The following LTBP1 variants were observed in gnomAD, a reference collection of about 807,000 sequenced individuals.
LTBP1 encodes latent-transforming growth factor beta-binding protein 1.
LTBP1 carries 129 observed loss-of-function variants against 207.6 expected under a neutral mutation model. The observed-to-expected ratio is 0.62, with a 90% confidence interval of 0.54 to 0.72. The LOEUF (loss-of-function observed/expected upper bound fraction) is 0.72. Among genes scored for constraint, LTBP1 ranks in the 30% least tolerant of loss-of-function variants. The pLI, the probability that LTBP1 is intolerant of heterozygous loss-of-function variation, is 0.00. For synonymous variants in LTBP1, 963 were observed against 833.7 expected (o/e 1.16, Z -2.67); for missense variants, 2,281 against 2,217.2 (o/e 1.03, Z -0.58).
intron 3 of LTBP1, among the ~76,000 whole-genome samples, chr2:33,033,133 G>A (rs1336484767): frequency 6.6e-6 from 1 of 152,084 alleles, no homozygotes; most frequent in Non-Finnish European, 1.5e-5. Flanking sequence ...GCCAGGCAGT[G>A]TGCTAGCAGC....
chr2:32,950,793 A>C (rs1346449958), intron 2 of LTBP1, among the ~76,000 whole-genome samples: 1 of 152,212 alleles, frequency 6.6e-6, no homozygotes, highest in African/African-American at 2.4e-5. Flanking sequence ...GAATGCTCAA[A>C]GGCTTTAATA....
intron 2 of LTBP1, among the ~76,000 whole-genome samples, chr2:32,964,018 A>G (rs1233593815): frequency 6.6e-6 from 1 of 152,228 alleles, no homozygotes; most frequent in Non-Finnish European, 1.5e-5. Flanking sequence ...TTGAAAGTGA[A>G]ATGAAGAACA....
At chr2:33,279,853 G>A (rs2093522016) in intron 18 of LTBP1, among the ~76,000 whole-genome samples, 186 bp from the exon 19 acceptor site, 1 of 152,126 alleles carries the variant, frequency 6.6e-6, no homozygotes, top group Non-Finnish European at 1.5e-5. Flanking sequence ...TTTTAATCCA[G>A]GTATGCTTGA....
chr2:33,112,209 T>C (rs1009403390), intron 4 of LTBP1, among the ~76,000 whole-genome samples: 2 of 152,218 alleles, frequency 1.3e-5, no homozygotes, highest in African/African-American at 4.8e-5. Context: ...AACACTGGTA[T>C]TAAGACTAGA....
At chr2:33,315,796 G>A (rs1297941889) in intron 24 of LTBP1, among the ~76,000 whole-genome samples, 1 of 152,150 alleles carries the variant, frequency 6.6e-6, no homozygotes. Context: ...AATTAGCCAG[G>A]TGTGGTGGTG....
At chr2:33,040,476 T>A (rs1025493795) in intron 3 of LTBP1, among the ~76,000 whole-genome samples, 1 of 151,962 alleles carries the variant, frequency 6.6e-6, no homozygotes, top group African/African-American at 2.4e-5. Context: ...GATCTGGGAG[T>A]TCCAAGAAGA....
At chr2:33,281,766 A>G (rs893582614) in intron 19 of LTBP1, among the ~76,000 whole-genome samples, 1 of 152,136 alleles carries the variant, frequency 6.6e-6, no homozygotes, top group African/African-American at 2.4e-5. Flanking sequence ...TTTGATAAGC[A>G]ATTGTTTTTG....
intron 5 of LTBP1, among the ~76,000 whole-genome samples, chr2:33,145,518 A>AGCAT (rs2082955897): frequency 6.6e-6 from 1 of 152,226 alleles, no homozygotes; most frequent in South Asian, 2.1e-4. Flanking sequence ...AGTATCCTAG[A>AGCAT]GCATTCTTAG....
intron 25 of LTBP1, among the ~76,000 whole-genome samples, chr2:33,344,451 G>A (rs1053056734): frequency 5.3e-5 from 8 of 152,262 alleles, no homozygotes; most frequent in Admixed American, 2.6e-4. Flanking sequence ...GACTGGTTGT[G>A]GTTGCCCATG....
chr2:32,956,494 G>T (rs1018330584), intron 2 of LTBP1, among the ~76,000 whole-genome samples: 7 of 152,074 alleles, frequency 4.6e-5, no homozygotes, highest in African/African-American at 1.2e-4. Context: ...CTTCAAGTTC[G>T]AACATGAGAT....
chr2:33,100,508 T>C (rs142484834), intron 3 of LTBP1, among the ~76,000 whole-genome samples: 32 of 152,174 alleles, frequency 2.1e-4, no homozygotes, highest in African/African-American at 7.2e-4. Flanking sequence ...AGGGTATAAT[T>C]GCCTTTTTTA....
At chr2:33,239,995 G>T (rs540782219) in intron 9 of LTBP1, among the ~76,000 whole-genome samples, 3 of 151,912 alleles carry the variant, frequency 2.0e-5, no homozygotes, top group Non-Finnish European at 4.4e-5. Context: ...TCACAAATAA[G>T]CTATTTATAA....
chr2:32,985,271 ACTGAGCT>A (rs58037073), intron 2 of LTBP1, among the ~76,000 whole-genome samples: 88,575 of 151,290 alleles, frequency 0.59, 27,393 homozygotes, highest in Middle Eastern at 0.69. Context: ...GGTACTGTCT[ACTGAGCT>A]CTTGATGTTG....
At chr2:33,109,595 A>T (rs2080272495) in intron 3 of LTBP1, among the ~76,000 whole-genome samples, 1 of 152,240 alleles carries the variant, frequency 6.6e-6, no homozygotes, top group Admixed American at 6.5e-5. Flanking sequence ...GGGTTAGCAC[A>T]TAGTAATCAT....
intron 5 of LTBP1, among the ~76,000 whole-genome samples, chr2:33,158,144 AAAAC>A (rs1412238960): frequency 3.4e-5 from 4 of 118,784 alleles, no homozygotes; most frequent in African/African-American, 1.2e-4. Flanking sequence ...TCTCAAAAAA[AAAAC>A]AAAAAAAAAA....
intron 31 of LTBP1, among the ~76,000 whole-genome samples, chr2:33,373,155 C>T (rs886507472): frequency 1.3e-5 from 2 of 152,054 alleles, no homozygotes; most frequent in African/African-American, 2.4e-5. Context: ...CACCTATTGG[C>T]GATGTAATGT....
Position 33,353,859 on chromosome 2 carries a change from C to CATTTTTTTTTTTTTTTTTT in LTBP1, c.4000+6349_4000+6350insATTTTTTTTTTTTTTTTTT, listed in dbSNP as rs777108878. ...ACACTACAGGTTTTGTGCATGTACGCCTTTTTTTTTTTTTTTTTGAGACTG... is the reference window on the plus strand; with the variant it reads ...ACACTACAGGTTTTGTGCATGTACGCATTTTTTTTTTTTTTTTTTCTTTTTTTTTTTTTTTTTGAGACTG... On this transcript the variant is annotated intron_variant, in intron 26 of 33. Transcript: ENST00000404816. Among the ~76,000 whole-genome samples the CATTTTTTTTTTTTTTTTTT allele has an allele frequency of 2.7e-5, 3 of 113,114 alleles. 1 individual carries two copies. The highest frequency in any genetic ancestry group is 2.0e-5 in the Non-Finnish European group (1 of 50,666). The allele number at this position is 113,114 out of a possible 152,430, so 74.2% of individuals were successfully genotyped here.
At chr2:33,027,030 T>G (rs1317078693) in intron 3 of LTBP1, among the ~76,000 whole-genome samples, 1 of 152,220 alleles carries the variant, frequency 6.6e-6, no homozygotes, top group Non-Finnish European at 1.5e-5. Flanking sequence ...TAATACGGTG[T>G]GTTTTTTTTC....
chr2:33,358,310 T>A (rs1050568800), intron 26 of LTBP1, among the ~76,000 whole-genome samples: 1 of 152,100 alleles, frequency 6.6e-6, no homozygotes, highest in African/African-American at 2.4e-5. Flanking sequence ...AGGCAAAGAT[T>A]GTTTTATTTC....
Sources: allele counts gnomAD v4.1 joint callset (sites outside exome capture counted in the v4.1 genomes callset), GRCh38; gene constraint gnomAD v4.1.1; transcripts MANE v1.5; gene names NCBI Gene and HGNC (gene_info 2026-07-23, HGNC 2026-07-21).